TENM2: variants seen among roughly 807,000 people sequenced by gnomAD.
TENM2 encodes teneurin transmembrane protein 2.
A neutral mutation model predicts 245.2 loss-of-function variants in TENM2; 52 were observed. That is an observed-to-expected ratio of 0.21 (90% CI 0.17 to 0.27). The LOEUF is 0.27. TENM2 is among the 10% of genes least tolerant of loss of function. TENM2 has a pLI of 1.00. For synonymous variants in TENM2, 1,363 were observed against 1,438.9 expected, an observed-to-expected ratio of 0.95 and a Z score of 1.19; for missense variants, 3,046 against 3,666.8, an observed-to-expected ratio of 0.83 and a Z score of 4.37.
chr5:167,812,580 T>C (rs1224783623), intron 2 of TENM2, among the ~76,000 whole-genome samples: 1 of 152,228 alleles, frequency 6.6e-6, no homozygotes, highest in East Asian at 1.9e-4. Flanking sequence ...CCAGGATTTC[T>C]TAGAGTTGCA....
chr5:167,150,719 A>G, the TENM2 span, among the ~76,000 whole-genome samples: 1 of 152,216 alleles, frequency 6.6e-6, no homozygotes, highest in African/African-American at 2.4e-5. Context: ...TGAAATTCTA[A>G]CCCACATAGT....
In TENM2 at chr5:167,495,118, G is replaced by A. The variant is rs1477788808; in HGVS notation, c.502+119645G>A. 4.6e-5 allele frequency among the ~76,000 whole-genome samples: 7 copies of A among 152,138 alleles called. No individual in the cohort carries two copies. The Middle Eastern group carries it at 0.014, about 296-fold the overall frequency. On this transcript the variant is annotated intron_variant, in intron 2 of 28. Transcript: ENST00000518659. ...GGCCTCAAGATCAAAATTTGCAAAT[G>A]CCACCATCGGTTTTGTAACCTAATG...
chr5:167,222,832 T>G, the TENM2 span, among the ~76,000 whole-genome samples: 2 of 152,076 alleles, frequency 1.3e-5, no homozygotes, highest in African/African-American at 2.4e-5. Flanking sequence ...CTGCTTCAAA[T>G]TTTTGCAAAA....
chr5:167,512,976 G>A (rs1770069217), intron 2 of TENM2, among the ~76,000 whole-genome samples: 1 of 152,160 alleles, frequency 6.6e-6, no homozygotes, highest in Non-Finnish European at 1.5e-5. Flanking sequence ...AGGAGTGATA[G>A]GGGATTGGAT....
intron 13 of TENM2, among the ~76,000 whole-genome samples, chr5:168,177,239 C>G (rs1449314502): frequency 6.6e-6 from 1 of 152,216 alleles, no homozygotes; most frequent in East Asian, 1.9e-4. Flanking sequence ...AAGTAACTGA[C>G]CCTCTCTAGG....
At chr5:167,771,090 A>G (rs911986882) in intron 2 of TENM2, among the ~76,000 whole-genome samples, 8 of 152,116 alleles carry the variant, frequency 5.3e-5, no homozygotes, top group African/African-American at 1.9e-4. Context: ...GAAGAGAGAA[A>G]AAGAGAGCAA....
intron 2 of TENM2, among the ~76,000 whole-genome samples, chr5:167,797,316 G>A (rs1765391308): frequency 6.6e-6 from 1 of 152,118 alleles, no homozygotes; most frequent in African/African-American, 2.4e-5. Flanking sequence ...CCCACTTAAA[G>A]CTTCCTTGCA....
At chr5:166,989,883 C>T in the TENM2 span, among the ~76,000 whole-genome samples, 2 of 150,394 alleles carry the variant, frequency 1.3e-5, no homozygotes, top group Admixed American at 1.3e-4. Flanking sequence ...TTCATTTTAG[C>T]ACACACAGAT....
At chr5:168,170,950 G>A (rs1298414404) in intron 13 of TENM2, among the ~76,000 whole-genome samples, 1 of 152,080 alleles carries the variant, frequency 6.6e-6, no homozygotes, top group Non-Finnish European at 1.5e-5. Context: ...CCTTGTCTCT[G>A]ACCTGTCCTC....
the TENM2 span, among the ~76,000 whole-genome samples, chr5:167,185,718 T>C: frequency 6.6e-6 from 1 of 152,070 alleles, no homozygotes; most frequent in East Asian, 1.9e-4. Context: ...GGTCATTTTT[T>C]TTTTGGCTAT....
At chr5:167,093,814 T>C in the TENM2 span, among the ~76,000 whole-genome samples, 1 of 152,264 alleles carries the variant, frequency 6.6e-6, no homozygotes, top group South Asian at 2.1e-4. Context: ...TTCTGTGAGG[T>C]TCTGGAATGA....
At chr5:167,071,401 C>A in the TENM2 span, among the ~76,000 whole-genome samples, 8 of 152,036 alleles carry the variant, frequency 5.3e-5, no homozygotes, top group East Asian at 1.5e-3. Context: ...ACAATAAAGG[C>A]TGCAGTGTTT....
the TENM2 span, among the ~76,000 whole-genome samples, chr5:167,048,091 A>T: frequency 3.3e-5 from 5 of 152,286 alleles, no homozygotes; most frequent in Admixed American, 1.3e-4. Context: ...TTCAAAAAAA[A>T]TCTAGATGAA....
the TENM2 span, among the ~76,000 whole-genome samples, chr5:167,113,872 A>G: frequency 1.3e-5 from 2 of 152,202 alleles, no homozygotes; most frequent in East Asian, 3.8e-4. Flanking sequence ...GAGTTCAAAG[A>G]TGATGAGAAT....
At chr5:168,204,022 T>C (rs1360907308) in intron 18 of TENM2, among the ~76,000 whole-genome samples, 190 bp downstream of exon 20, 1 of 151,504 alleles carries the variant, frequency 6.6e-6, no homozygotes. Context: ...AAAATATTTA[T>C]TATTTTTTTA....
At chr5:167,035,827 C>A in the TENM2 span, among the ~76,000 whole-genome samples, 1 of 152,216 alleles carries the variant, frequency 6.6e-6, no homozygotes, top group South Asian at 2.1e-4. Flanking sequence ...GGAACCTCTG[C>A]CGCCTCCCGG....
chr5:168,099,297 G>A (rs1462659893), intron 9 of TENM2, among the ~76,000 whole-genome samples: 2 of 152,050 alleles, frequency 1.3e-5, no homozygotes, highest in Admixed American at 6.6e-5. Flanking sequence ...ATAGTGAAGG[G>A]GCAGTTGAGT....
chr5:167,945,578 C>T (rs907955497), intron 3 of TENM2, among the ~76,000 whole-genome samples: 3 of 152,132 alleles, frequency 2.0e-5, no homozygotes, highest in Admixed American at 6.5e-5. Flanking sequence ...CCTTTACGAA[C>T]GTAGGCAGAG....
intron 5 of TENM2, among the ~76,000 whole-genome samples, chr5:167,997,712 A>T (rs548721322): frequency 2.0e-5 from 3 of 152,298 alleles, no homozygotes; most frequent in African/African-American, 7.2e-5. Flanking sequence ...TTTTCTTTTT[A>T]AAAAATTTCA....
Sources: allele counts gnomAD v4.1 joint callset (sites outside exome capture counted in the v4.1 genomes callset), GRCh38; gene constraint gnomAD v4.1.1; transcripts MANE v1.5; gene names NCBI Gene and HGNC (gene_info 2026-07-23, HGNC 2026-07-21).